CELSR2: variants seen among roughly 807,000 people sequenced by gnomAD.
CELSR2 encodes EGF-like protein 2.
CELSR2 carries 81 observed loss-of-function variants against 251.6 expected under a neutral mutation model. The ratio of observed to expected loss-of-function variants is 0.32; its 90% CI spans 0.27 to 0.39. The LOEUF (loss-of-function observed/expected upper bound fraction) is 0.39, where lower values mean the gene tolerates loss of function less well. Among genes scored for constraint, CELSR2 ranks in the 10% least tolerant of loss-of-function variants. The probability of loss-of-function intolerance (pLI) is 1.00; values close to 1 mark genes in which losing one functional copy is unlikely to be tolerated. For missense variants in CELSR2, 3,365 were observed against 3,947.7 expected, an observed-to-expected ratio of 0.85 and a Z score of 3.96; for synonymous variants, 1,721 against 1,670.5, an observed-to-expected ratio of 1.03 and a Z score of -0.74.
At position 109,261,027 on chromosome 1, in the gene CELSR2, T is replaced by G; in HGVS notation, c.3959-15T>G. The stretch of plus-strand genomic sequence containing the variant: ...CTCAGGTACTTGGTACTCACCTGCC[T>G]TTCCTCTTGTCCAGGTGAGCACTGT... On this transcript the variant is annotated splice_polypyrimidine_tract_variant and intron_variant, in intron 2 of 33. Coordinates refer to ENST00000271332, the MANE Select transcript of CELSR2 (RefSeq NM_001408.3). The surrounding 1 kb of genome is among the most constrained non-coding windows in gnomAD (Gnocchi z 4.8). 2 of 1,594,160 alleles carry G rather than the reference T, an allele frequency of 1.3e-6. No individual in the cohort carries two copies. Among genetic ancestry groups the G allele is most frequent in the Non-Finnish European group, 1.7e-6 (2 of 1,166,186 alleles).
At position 109,252,844 on chromosome 1, in the gene CELSR2, A is replaced by G. The variant is rs1655735592; in HGVS notation, c.2765A>G (p.Glu922Gly). Reference protein sequence around the residue: ...LDVNDNPPVFEQDEFDVFVEE... With the variant: ...LDVNDNPPVFGQDEFDVFVEE... Reference sequence around the variant, plus strand: ...GTGAATGACAATCCCCCTGTCTTTGAGCAGGATGAGTTTGATGTGTTTGTG... The same window carrying G: ...GTGAATGACAATCCCCCTGTCTTTGGGCAGGATGAGTTTGATGTGTTTGTG... Residue 922 changes from glutamate (E) to glycine (G), a missense_variant, in exon 1 of 34, where the codon GAG becomes GGG. Around this residue, in one of 5 missense-constraint regions of CELSR2, gnomAD observed 505 missense variants for 660.0 expected, o/e 0.77. Transcript: ENST00000271332. The surrounding 1 kb of genome is among the most constrained non-coding windows in gnomAD (Gnocchi z 4.8). The G allele has an allele frequency of 6.2e-7, 1 of 1,613,900 alleles. No homozygotes were observed. The highest frequency in any genetic ancestry group is 1.1e-5 in the South Asian group (1 of 91,060).
rs1210154122 is a variant in CELSR2, at chr1:109,261,942, A to C, written c.4386+46A>C. 8 of 1,532,638 alleles carry C rather than the reference A, an allele frequency of 5.2e-6. No individual in the cohort carries two copies. The highest frequency in any genetic ancestry group is 7.1e-6 in the Non-Finnish European group (8 of 1,129,258). 94.9% of individuals were successfully genotyped at this position (1,532,638 alleles called of 1,614,324 possible). On this transcript the variant is annotated intron_variant, in intron 5 of 33. Coordinates refer to ENST00000271332, the MANE Select transcript of CELSR2 (RefSeq NM_001408.3). This position sits in a 1 kb window ranked among gnomAD's most constrained non-coding sequence, Gnocchi z 4.8. ...GGGTTGGGGGTTCTGTTCTTGCCTC[A>C]GGTGCTTACCCAGCCCTGAGTGGCA...
In CELSR2 at chr1:109,265,870, G is replaced by T. The variant is rs1278434263; in HGVS notation, c.5863G>T (p.Asp1955Tyr). 6.2e-7 allele frequency: 1 copy of T among 1,613,914 alleles called. No homozygotes were observed. The highest frequency in any genetic ancestry group is 8.5e-7 in the Non-Finnish European group (1 of 1,180,008). Reference sequence around the variant, plus strand: ...GCCAGGTGTCATCGGGCGTCAGTGTGACCGCTGTGACAACCCTTTTGCTGA... The same window carrying T: ...GCCAGGTGTCATCGGGCGTCAGTGTTACCGCTGTGACAACCCTTTTGCTGA... ...CKPGVIGRQC[D>Y]RCDNPFAEVT... Residue 1955 changes from aspartate (D) to tyrosine (Y), a missense_variant, in exon 14 of 34, where the codon GAC becomes TAC. Asp to Tyr is a radical substitution (Grantham distance 160). Transcript: ENST00000271332.
intron 1 of CELSR2, among the ~76,000 whole-genome samples, chr1:109,253,937 G>A (rs766210632): frequency 5.9e-5 from 9 of 152,224 alleles, no homozygotes; most frequent in Admixed American, 1.3e-4. Flanking sequence ...CTGCAGAATC[G>A]GCTGACAGGG....
Position 109,261,031 on chromosome 1 carries a change from C to T in CELSR2, c.3959-11C>T, listed in dbSNP as rs763957455. ...GGTACTTGGTACTCACCTGCCTTTC[C>T]TCTTGTCCAGGTGAGCACTGTGAGG... On this transcript the variant is annotated splice_polypyrimidine_tract_variant and intron_variant, in intron 2 of 33. Coordinates refer to ENST00000271332, the MANE Select transcript of CELSR2 (RefSeq NM_001408.3). The surrounding 1 kb of genome is among the most constrained non-coding windows in gnomAD (Gnocchi z 4.8). 1.3e-6 allele frequency: 2 copies of T among 1,598,524 alleles called. No individual in the cohort carries two copies. The highest frequency in any genetic ancestry group is 2.2e-5 in the East Asian group (1 of 44,696).
Position 109,261,248 on chromosome 1 carries a change from T to A in CELSR2, c.4165T>A (p.Phe1389Ile). ...TCGCGGCCTGCGCCAGCGTTTCCAC[T>A]TCACCCTGGCCCTCTCGTGAGTGGC... ...TFRGLRQRFHFTLALSFATKE... is the reference protein window; with the variant it reads ...TFRGLRQRFHITLALSFATKE... The change falls in exon 3 of 34, where the codon TTC (phenylalanine) becomes ATC (isoleucine). Residue 1389 changes from phenylalanine to isoleucine, a missense_variant. Transcript: ENST00000271332. This position sits in a 1 kb window ranked among gnomAD's most constrained non-coding sequence, Gnocchi z 4.8. 2 of 1,613,424 alleles carry A rather than the reference T, an allele frequency of 1.2e-6. No individual in the cohort carries two copies.
In CELSR2 at chr1:109,269,689, C is replaced by G. The variant is rs1186589450; in HGVS notation, c.6981-5C>G. On this transcript the variant is annotated splice_polypyrimidine_tract_variant and splice_region_variant and intron_variant, in intron 21 of 33. Transcript: ENST00000271332. The surrounding 1 kb of genome is among the most constrained non-coding windows in gnomAD (Gnocchi z 6.4). ...TGTCTCCCTGACCCTGCCTTCCTCA[C>G]ACAGGGTCAGTGGCACAGGTGGCTG... 6.2e-7 allele frequency: 1 copy of G among 1,614,026 alleles called. No homozygotes were observed.
chr1:109,262,648 C>T (rs1042723559), intron 6 of CELSR2, among the ~76,000 whole-genome samples, 158 bp from the exon 7 acceptor site: 3 of 152,212 alleles, frequency 2.0e-5, no homozygotes, highest in Non-Finnish European at 4.4e-5. Context: ...TCGACAAGAA[C>T]AGTTCCAGGT....
intron 15 of CELSR2, 82 bp from the exon 16 acceptor site, chr1:109,267,466 C>A: frequency 1.6e-6 from 2 of 1,288,180 alleles, no homozygotes; most frequent in Non-Finnish European, 1.1e-6. Context: ...GAGGTGCTGG[C>A]CTCCAGCAGA....
intron 1 of CELSR2, among the ~76,000 whole-genome samples, chr1:109,254,244 G>T (rs1438446181): frequency 2.6e-5 from 4 of 152,030 alleles, no homozygotes; most frequent in Admixed American, 2.6e-4. Context: ...ACCAGGACAG[G>T]CCAGTGGACT....
chr1:109,263,898 G>A, intron 9 of CELSR2, 121 bp downstream of exon 9: 3 of 1,409,584 alleles, frequency 2.1e-6, no homozygotes, highest in South Asian at 1.4e-5. Flanking sequence ...GAGGCCGCTG[G>A]ATCCGTTGGG....
intron 15 of CELSR2, 172 bp downstream of exon 15, chr1:109,266,378 A>G: frequency 2.7e-6 from 2 of 747,844 alleles, no homozygotes; most frequent in Non-Finnish European, 2.1e-6. Context: ...CATGTTGCCC[A>G]GGTGTGCCTA....
chr1:109,250,510 G>A lies in CELSR2; in HGVS notation c.431G>A (p.Arg144Lys). Residue 144 changes from arginine to lysine, a missense_variant, in exon 1 of 34, where the codon AGA becomes AAA. This residue lies in a region of CELSR2 where 704 missense variants were observed against 784.1 expected (regional missense o/e 0.90). Coordinates refer to ENST00000271332, the MANE Select transcript of CELSR2 (RefSeq NM_001408.3). The surrounding 1 kb of genome is among the most constrained non-coding windows in gnomAD (Gnocchi z 4.4). ...CCGTGCTTAAAGGCTCCACGGCTCAGATGCCAGTCCTGCAAGCTGGCACAG... is the reference window on the plus strand; with the variant it reads ...CCGTGCTTAAAGGCTCCACGGCTCAAATGCCAGTCCTGCAAGCTGGCACAG... ...EHPCLKAPRL[R>K]CQSCKLAQAP... 6.2e-7 allele frequency: 1 copy of A among 1,613,844 alleles called. No homozygotes were observed. The highest frequency in any genetic ancestry group is 8.5e-7 in the Non-Finnish European group (1 of 1,180,022).
rs760115134 is a variant in CELSR2, at chr1:109,264,976, C to A, written c.5573C>A (p.Pro1858His). The A allele has an allele frequency of 6.2e-7, 1 of 1,614,152 alleles. No homozygotes were observed. The highest frequency in any genetic ancestry group is 1.7e-5 in the Admixed American group (1 of 60,018). The stretch of plus-strand genomic sequence containing the variant: ...CCCCATGGCTATACCTGCGAGTGTC[C>A]CCCAAATTACCTTGGGCCATACTGT... The part of the protein sequence containing the change: ...SAPHGYTCEC[P>H]PNYLGPYCET... Residue 1858 changes from proline (P) to histidine (H), a missense_variant, in exon 12 of 34, where the codon CCC (proline) becomes CAC (histidine). Pro to His is a moderately conservative substitution (Grantham distance 77). Coordinates refer to ENST00000271332, the MANE Select transcript of CELSR2 (RefSeq NM_001408.3).
Position 109,260,031 on chromosome 1 carries a change from G to A in CELSR2, c.3958+952G>A, listed in dbSNP as rs575473129. Among the ~76,000 whole-genome samples, 277 of 151,836 alleles carry A rather than the reference G, an allele frequency of 1.8e-3. 1 individual carries two copies. The highest frequency in any genetic ancestry group is 6.4e-3 in the African/African-American group (265 of 41,376). On this transcript the variant is annotated intron_variant, in intron 2 of 33. Transcript: ENST00000271332. ...CCACTGGCTCTGCCAGCAGCCATAGGCAGGCCCCACTCCTTCCCCGCTGCA... is the reference window on the plus strand; with the variant it reads ...CCACTGGCTCTGCCAGCAGCCATAGACAGGCCCCACTCCTTCCCCGCTGCA...
Position 109,263,037 on chromosome 1 carries a change from A to G in CELSR2, c.4708+68A>G, listed in dbSNP as rs41309213. 0.01 allele frequency: 16,274 copies of G among 1,589,108 alleles called. 1,331 individuals carry two copies. The African/African-American group carries it at 0.19, about 18-fold the overall frequency. Reference sequence around the variant, plus strand: ...GAGAGGAGGGGCTGTGCCTGGTGTGAGGATGCCAGAATGGAGGGTCTCAGA... The same window carrying G: ...GAGAGGAGGGGCTGTGCCTGGTGTGGGGATGCCAGAATGGAGGGTCTCAGA... On this transcript the variant is annotated intron_variant, in intron 7 of 33. Transcript: ENST00000271332.
intron 2 of CELSR2, 40 bp downstream of exon 2, chr1:109,259,119 G>T: frequency 6.7e-7 from 1 of 1,496,298 alleles, no homozygotes; most frequent in Non-Finnish European, 8.9e-7. Context: ...GCCCTGGAAG[G>T]CTGACTGTGT....
intron 8 of CELSR2, 94 bp from the exon 9 acceptor site, chr1:109,263,517 T>G: frequency 1.3e-6 from 2 of 1,522,470 alleles, no homozygotes; most frequent in Non-Finnish European, 1.8e-6. Flanking sequence ...GGGAGTGGGC[T>G]CTGCCTCCCG....
intron 15 of CELSR2, 45 bp downstream of exon 15, chr1:109,266,251 G>A (rs1656184190): frequency 6.2e-7 from 1 of 1,601,440 alleles, no homozygotes; most frequent in African/African-American, 1.3e-5. Context: ...CATGGCCTCT[G>A]CTGTTAGTGG....
Sources: allele counts gnomAD v4.1 joint callset (sites outside exome capture counted in the v4.1 genomes callset), GRCh38; gene constraint gnomAD v4.1.1; regional missense constraint gnomAD v4.1.1; non-coding constraint Gnocchi (gnomAD v3.1); transcripts MANE v1.5; gene names NCBI Gene and HGNC (gene_info 2026-07-23, HGNC 2026-07-21).